The following CLINT1 variants were observed in gnomAD, a reference collection of about 807,000 sequenced individuals.
CLINT1 encodes the protein clathrin interacting protein localized in the trans-Golgi region.
Under a neutral mutation model 70.4 loss-of-function variants are expected in CLINT1, and 15 were observed. That is an observed-to-expected ratio of 0.21 (90% CI 0.14 to 0.33). The LOEUF (loss-of-function observed/expected upper bound fraction) is 0.33, where lower values mean the gene tolerates loss of function less well. Ranked by LOEUF, CLINT1 falls within the 10% of genes least tolerant of loss-of-function variation. The pLI is 1.00. For missense variants in CLINT1, 615 were observed against 778.1 expected (o/e 0.79, Z 2.49); for synonymous variants, 227 against 254.7 (o/e 0.89, Z 1.04).
intron 7 of CLINT1, among the ~76,000 whole-genome samples, chr5:157,804,278 T>G (rs1185606743): frequency 6.6e-6 from 1 of 152,074 alleles, no homozygotes; most frequent in Non-Finnish European, 1.5e-5. Context: ...GTTAGTATAA[T>G]TCTATGTTAT....
intron 6 of CLINT1, chr5:157,809,156 C>G (rs1284011527): frequency 6.6e-6 from 1 of 152,584 alleles, no homozygotes; most frequent in Non-Finnish European, 1.5e-5. Flanking sequence ...GATTAGCATG[C>G]CCCCTGTGCA....
intron 10 of CLINT1, among the ~76,000 whole-genome samples, chr5:157,791,257 A>T (rs1761893952): frequency 6.6e-6 from 1 of 152,062 alleles, no homozygotes; most frequent in Non-Finnish European, 1.5e-5. Context: ...ACTGGGTTTC[A>T]CCGTGTTAGC....
At chr5:157,841,464 G>C (rs1249392465) in intron 1 of CLINT1, among the ~76,000 whole-genome samples, 2 of 151,956 alleles carry the variant, frequency 1.3e-5, no homozygotes, top group Non-Finnish European at 2.9e-5. Context: ...CACTCGGGAG[G>C]CTGAGGCAGA....
Position 157,810,268 on chromosome 5 carries a change from A to G in CLINT1, c.518-463T>C, listed in dbSNP as rs147176491. ...AAAAAATACAACTGAAGGAACTCCA[A>G]TCTGAATGCTACATGTCCCAATAAG... On this transcript the variant is annotated intron_variant, in intron 5 of 11. Transcript: ENST00000411809. Among the ~76,000 whole-genome samples the G allele has an allele frequency of 4.6e-5, 7 of 152,370 alleles. No homozygotes were observed. The South Asian group carries it at 6.2e-4, about 14-fold the overall frequency.
At position 157,786,809 on chromosome 5, in the gene CLINT1, T is replaced by C. The variant is rs957357846; in HGVS notation, c.*837A>G. On this transcript the variant is annotated 3_prime_UTR_variant, in exon 12 of 12. Transcript: ENST00000411809. ...AAATATTTTTCTGACTGTTCCTGAC[T>C]TAAATGATGGCTACAGGGATAAACA... 1.3e-5 allele frequency: 2 copies of C among 152,248 alleles called. No homozygotes were observed. The highest frequency in any genetic ancestry group is 4.8e-5 in the African/African-American group (2 of 41,444). 9.4% of individuals were successfully genotyped at this position (152,248 alleles called of 1,614,324 possible). A position where few individuals can be genotyped will look rare whatever the true frequency, so the allele number is the denominator to read the frequency against.
chr5:157,787,750 A>G lies in CLINT1; in HGVS notation c.1774T>C (p.Leu592=), dbSNP rs762572549. Residue 592 remains leucine (L), a synonymous_variant, in exon 12 of 12, where the codon TTG becomes CTG. Coordinates refer to ENST00000411809, the MANE Select transcript of CLINT1 (RefSeq NM_014666.4). The stretch of plus-strand genomic sequence containing the variant: ...ATGCCCATTCCCATTGTGCCTGTCA[A>G]GCCCATCCCAGCAGCGGACATCCCT... ...NIGMSAAGMG[L]TGTMGMGMPN... is the part of the protein sequence containing the mutation. 2 of 1,614,022 alleles carry G rather than the reference A, an allele frequency of 1.2e-6. No individual in the cohort carries two copies. Among genetic ancestry groups the G allele is most frequent in the East Asian group, 2.2e-5 (1 of 44,880 alleles).
intron 1 of CLINT1, among the ~76,000 whole-genome samples, chr5:157,819,034 G>A (rs995386205): frequency 5.9e-5 from 9 of 152,174 alleles, no homozygotes; most frequent in African/African-American, 2.2e-4. Flanking sequence ...TTTGCTATAT[G>A]GTTTTTCAGT....
intron 1 of CLINT1, among the ~76,000 whole-genome samples, chr5:157,825,576 A>G (rs1293280513): frequency 6.6e-6 from 1 of 152,154 alleles, no homozygotes; most frequent in Non-Finnish European, 1.5e-5. Flanking sequence ...AAAACATGGC[A>G]AACTGCCTAA....
chr5:157,856,175 A>G (rs1369044968), intron 1 of CLINT1, among the ~76,000 whole-genome samples: 1 of 152,160 alleles, frequency 6.6e-6, no homozygotes, highest in Non-Finnish European at 1.5e-5. Context: ...TTTTCAGCCT[A>G]AATTGTCTAC....
chr5:157,845,834 G>GT (rs1753358530), intron 1 of CLINT1, among the ~76,000 whole-genome samples: 1 of 152,162 alleles, frequency 6.6e-6, no homozygotes, highest in Non-Finnish European at 1.5e-5. Flanking sequence ...GATTACAGGC[G>GT]TAAGCCACCA....
At position 157,806,069 on chromosome 5, in the gene CLINT1, T is replaced by C; in HGVS notation, c.739A>G (p.Lys247Glu). ...EKKARRGRSP[K>E]GEFKDEEETV... is the part of the protein sequence containing the mutation. ...TCCTCTTCATCTTTGAATTCACCTT[T>C]GGGAGATCTGCCTCTTCTCGCTTTC... The change falls in exon 7 of 12, where the codon AAA (lysine) becomes GAA (glutamate). Residue 247 changes from lysine to glutamate, a missense_variant. Transcript: ENST00000411809. 2 of 1,614,002 alleles carry C rather than the reference T, an allele frequency of 1.2e-6. No individual in the cohort carries two copies. The highest frequency in any genetic ancestry group is 1.3e-5 in the African/African-American group (1 of 75,046).
chr5:157,815,853 A>G (rs1050000120), intron 3 of CLINT1, among the ~76,000 whole-genome samples: 9 of 152,244 alleles, frequency 5.9e-5, no homozygotes, highest in Non-Finnish European at 1.0e-4. Context: ...GTATTTTTGT[A>G]TCTAAACATA....
chr5:157,843,358 C>CTTA (rs758495865), intron 1 of CLINT1, among the ~76,000 whole-genome samples: 3 of 152,192 alleles, frequency 2.0e-5, no homozygotes, highest in Admixed American at 6.5e-5. Flanking sequence ...CAACAAGCAT[C>CTTA]TTAAGACTGC....
Position 157,789,445 on chromosome 5 carries a change from G to A in CLINT1, c.1449C>T (p.Asn483=). ...CAGGTAGTAAGTTGTCTAGGCTGAT[G>A]TTTACACTGGGGTCAGACCAAGTAG... ...LPSTWSDPSV[N]ISLDNLLPGM... The change falls in exon 11 of 12, where the codon AAC becomes AAT. Residue 483 remains asparagine (N), a synonymous_variant. Transcript: ENST00000411809. 1.2e-6 allele frequency: 2 copies of A among 1,613,940 alleles called. No individual in the cohort carries two copies. The highest frequency in any genetic ancestry group is 2.2e-5 in the East Asian group (1 of 44,882).
chr5:157,815,205 C>T (rs1762683632), intron 3 of CLINT1, among the ~76,000 whole-genome samples: 1 of 151,666 alleles, frequency 6.6e-6, no homozygotes, highest in South Asian at 2.1e-4. Flanking sequence ...GAGGTTGAGG[C>T]AGGAGGATCT....
At chr5:157,844,556 T>G (rs1753304116) in intron 1 of CLINT1, among the ~76,000 whole-genome samples, 1 of 152,212 alleles carries the variant, frequency 6.6e-6, no homozygotes, top group African/African-American at 2.4e-5. Context: ...ATCAATAATG[T>G]ATTTTGAGTT....
chr5:157,843,929 A>G (rs1178619368), intron 1 of CLINT1, among the ~76,000 whole-genome samples: 1 of 152,124 alleles, frequency 6.6e-6, no homozygotes, highest in Non-Finnish European at 1.5e-5. Context: ...GATTAAATTC[A>G]TATGTATTGC....
At chr5:157,825,908 T>G (rs1763020875) in intron 1 of CLINT1, among the ~76,000 whole-genome samples, 2 of 152,286 alleles carry the variant, frequency 1.3e-5, no homozygotes, top group African/African-American at 4.8e-5. Context: ...TAATCACTCT[T>G]GGTGTTTTAA....
chr5:157,792,524 G>C (rs1045628262), intron 9 of CLINT1, among the ~76,000 whole-genome samples: 1 of 152,086 alleles, frequency 6.6e-6, no homozygotes, highest in Non-Finnish European at 1.5e-5. Flanking sequence ...CTCCAGCCTG[G>C]GTGACAGAGC....
Sources: gnomAD v4.1 joint callset for allele counts (sites outside exome capture counted in the v4.1 genomes callset) on GRCh38, gnomAD v4.1.1 for gene constraint, MANE v1.5 for transcripts, NCBI Gene and HGNC (gene_info 2026-07-23, HGNC 2026-07-21) for gene names.